The following CGNL1 variants were observed in gnomAD, a reference collection of about 807,000 sequenced individuals.
The protein encoded by CGNL1 is cingulin like 1, also known as cingulin-like protein 1.
In CGNL1, 132 loss-of-function variants were observed where a neutral mutation model predicts 141.2. The observed-to-expected ratio is 0.93, with a 90% CI of 0.81 to 1.08. CGNL1 has a LOEUF of 1.08. Among genes scored for constraint, CGNL1 ranks in the 50% least tolerant of loss-of-function variants. The probability of loss-of-function intolerance (pLI) is 0.00; values close to 1 mark genes in which losing one functional copy is unlikely to be tolerated. For missense variants in CGNL1, 1,870 were observed against 1,588.6 expected, an observed-to-expected ratio of 1.18 and a Z score of -3.01; for synonymous variants, 690 against 622.1, an observed-to-expected ratio of 1.11 and a Z score of -1.63.
chr15:57,401,922 G>C (rs1178949868), intron 1 of CGNL1: 1 of 152,182 alleles, frequency 6.6e-6, no homozygotes, highest in Non-Finnish European at 1.5e-5. Context: ...TTGTGGAAAG[G>C]TTCTAGGGAC....
chr15:57,445,428 T>A (rs1351053804), intron 4 of CGNL1, among the ~76,000 whole-genome samples: 2 of 152,092 alleles, frequency 1.3e-5, no homozygotes, highest in Non-Finnish European at 2.9e-5. Context: ...CTGGCAAAGG[T>A]TTTAGAGTTT....
chr15:57,415,365 A>G (rs2152275245), intron 1 of CGNL1, among the ~76,000 whole-genome samples: 1 of 152,300 alleles, frequency 6.6e-6, no homozygotes, highest in East Asian at 1.9e-4. Context: ...GAGGCAGGAA[A>G]GTTGGAATCC....
chr15:57,383,542 C>A, intron 1 of CGNL1, among the ~76,000 whole-genome samples: 1 of 151,952 alleles, frequency 6.6e-6, no homozygotes, highest in South Asian at 2.1e-4. Flanking sequence ...TCGTGATCCG[C>A]CTGCCTCAGC....
At chr15:57,449,871 C>T (rs575492959) in intron 4 of CGNL1, among the ~76,000 whole-genome samples, 16 of 152,182 alleles carry the variant, frequency 1.1e-4, no homozygotes, top group East Asian at 5.8e-4. Flanking sequence ...TTTTCCCATG[C>T]GTTTTGATGG....
chr15:57,455,804 G>A (rs1184348839), intron 7 of CGNL1, among the ~76,000 whole-genome samples: 2 of 152,110 alleles, frequency 1.3e-5, no homozygotes, highest in African/African-American at 2.4e-5. Context: ...TACTGATGAT[G>A]GGATAACGAT....
intron 1 of CGNL1, among the ~76,000 whole-genome samples, chr15:57,418,996 C>T (rs1049339992): frequency 2.0e-5 from 3 of 151,756 alleles, no homozygotes; most frequent in African/African-American, 4.8e-5. Context: ...GGCGCAATCT[C>T]GGCTCACTGC....
At position 57,440,485 on chromosome 15, in the gene CGNL1, C is replaced by T; in HGVS notation, c.1697+14C>T. 1.3e-6 allele frequency: 2 copies of T among 1,547,426 alleles called. No homozygotes were observed. Among genetic ancestry groups the T allele is most frequent in the Non-Finnish European group, 8.8e-7 (1 of 1,134,978 alleles). On this transcript the variant is annotated intron_variant, in intron 3 of 18. Transcript: ENST00000281282. ...CCTCAAAGAAGGGTTAGTGATTTTC[C>T]CTCTGAAAGAGCAAAGTATTGTTGT...
At position 57,544,563 on chromosome 15, in the gene CGNL1, G is replaced by T; in HGVS notation, c.3466G>T (p.Ala1156Ser). ...GLVVQMEARIAELEDRLESEE... is the reference protein window; with the variant it reads ...GLVVQMEARISELEDRLESEE... The stretch of plus-strand genomic sequence containing the variant: ...GGTTGTGCAGATGGAGGCCAGGATC[G>T]CGGAGCTGGAGGACCGCCTGGAGAG... The change falls in exon 16 of 19, where the codon GCG becomes TCG. Residue 1156 changes from alanine (A) to serine (S), a missense_variant. Coordinates refer to ENST00000281282, the MANE Select transcript of CGNL1 (RefSeq NM_032866.5). The T allele has an allele frequency of 6.2e-7, 1 of 1,601,798 alleles. No homozygotes were observed. The highest frequency in any genetic ancestry group is 8.5e-7 in the Non-Finnish European group (1 of 1,174,208).
At chr15:57,429,958 G>C (rs28723579) in intron 1 of CGNL1, among the ~76,000 whole-genome samples, 8 of 152,044 alleles carry the variant, frequency 5.3e-5, no homozygotes, top group Non-Finnish European at 8.8e-5. Context: ...CTACAGGTGC[G>C]CACCACCACA....
At position 57,433,635 on chromosome 15, in the gene CGNL1, T is replaced by C. The variant is rs569122645; in HGVS notation, c.-15-4350T>C. Among the ~76,000 whole-genome samples, 4 of 152,150 alleles carry C rather than the reference T, an allele frequency of 2.6e-5. No homozygotes were observed. In the South Asian group the frequency reaches 6.2e-4, roughly 24 times the overall value. On this transcript the variant is annotated intron_variant, in intron 1 of 18. Coordinates refer to ENST00000281282, the MANE Select transcript of CGNL1 (RefSeq NM_032866.5). ...ATATAGGGAGTTATTAAAACCAGCA[T>C]AATTAGACCCTACACCCTGTCCCTG...
At chr15:57,533,931 G>A (rs2032103208) in intron 14 of CGNL1, among the ~76,000 whole-genome samples, 1 of 152,252 alleles carries the variant, frequency 6.6e-6, no homozygotes, top group African/African-American at 2.4e-5. Flanking sequence ...GGGGAGAGCA[G>A]TGGGCTGGCA....
Position 57,405,808 on chromosome 15 carries a change from TTCCTTCTTTCTTTCTTTCTTTTTC to T in CGNL1, c.-16+29243_-16+29266del, listed in dbSNP as rs1336793175. 4.8e-5 allele frequency among the ~76,000 whole-genome samples: 4 copies of T among 83,882 alleles called. No individual in the cohort carries two copies. In the South Asian group the frequency reaches 1.3e-3, roughly 27 times the overall value. The allele number at this position is 83,882 out of a possible 152,430, so 55.0% of individuals were successfully genotyped here. A position where few individuals can be genotyped will look rare whatever the true frequency, so the allele number is the denominator to read the frequency against. ...TTTCTTTCTTTCTTTCTTTCTTTCTTTCCTTCTTTCTTTCTTTCTTTTTCTTTCTTTTCTTTTTCTTTCTTTTCT... is the reference window on the plus strand; with the variant it reads ...TTTCTTTCTTTCTTTCTTTCTTTCTTTTTCTTTTCTTTTTCTTTCTTTTCT... On this transcript the variant is annotated intron_variant, in intron 1 of 18. Coordinates refer to ENST00000281282, the MANE Select transcript of CGNL1 (RefSeq NM_032866.5).
chr15:57,495,603 C>G (rs2063926691), intron 8 of CGNL1, among the ~76,000 whole-genome samples: 1 of 152,168 alleles, frequency 6.6e-6, no homozygotes, highest in Admixed American at 6.5e-5. Context: ...GACTCTCCGT[C>G]TAGGAAAATA....
chr15:57,499,466 G>C (rs2934445), intron 8 of CGNL1, among the ~76,000 whole-genome samples: 130 of 152,164 alleles, frequency 8.5e-4, no homozygotes, highest in African/African-American at 3.0e-3. Context: ...TGAAACTCCT[G>C]ACCTCAAGTG....
intron 1 of CGNL1, among the ~76,000 whole-genome samples, chr15:57,427,657 C>A (rs2152291693): frequency 6.6e-6 from 1 of 152,344 alleles, no homozygotes; most frequent in East Asian, 1.9e-4. Flanking sequence ...TTGCTGAAAG[C>A]ACAACATATT....
chr15:57,409,137 C>T (rs1052322111), intron 1 of CGNL1, among the ~76,000 whole-genome samples: 36 of 152,038 alleles, frequency 2.4e-4, no homozygotes, highest in Middle Eastern at 6.8e-3. Context: ...GAACTAACCA[C>T]GTGCACACGC....
intron 8 of CGNL1, among the ~76,000 whole-genome samples, chr15:57,513,057 G>C (rs2030454516): frequency 6.6e-6 from 1 of 151,588 alleles, no homozygotes; most frequent in African/African-American, 2.4e-5. Flanking sequence ...TCACACAGTT[G>C]TACAACCATC....
intron 1 of CGNL1, among the ~76,000 whole-genome samples, 176 bp from the exon 2 acceptor site, chr15:57,437,809 C>G (rs2063125393): frequency 6.6e-6 from 1 of 152,174 alleles, no homozygotes; most frequent in Admixed American, 6.5e-5. Context: ...CCAGAAAGTC[C>G]TGCTGGGTCA....
chr15:57,453,626 G>C, intron 6 of CGNL1, 57 bp from the exon 7 acceptor site: 1 of 1,601,670 alleles, frequency 6.2e-7, no homozygotes, highest in Non-Finnish European at 8.5e-7. Context: ...AAATCAGACT[G>C]GATGGAAATA....
Sources: allele counts gnomAD v4.1 joint callset (sites outside exome capture counted in the v4.1 genomes callset), GRCh38; gene constraint gnomAD v4.1.1; transcripts MANE v1.5; gene names NCBI Gene and HGNC (gene_info 2026-07-23, HGNC 2026-07-21).